Variants in EIF3L observed in about 807,000 individuals in gnomAD.
EIF3L encodes eukaryotic translation initiation factor 3 subunit L.
A neutral mutation model predicts 74.6 loss-of-function variants in EIF3L; 32 were observed. That is an observed-to-expected ratio of 0.43 (90% CI 0.32 to 0.58). EIF3L has a LOEUF of 0.58. EIF3L is among the 20% of genes least tolerant of loss of function. EIF3L has a pLI of 0.06. For missense variants in EIF3L, 474 were observed against 707.8 expected, an observed-to-expected ratio of 0.67 and a Z score of 3.75; for synonymous variants, 256 against 254.4, an observed-to-expected ratio of 1.01 and a Z score of -0.06.
At chr22:37,863,608 G>GT (rs1381004687) in intron 7 of EIF3L, among the ~76,000 whole-genome samples, 1 of 152,146 alleles carries the variant, frequency 6.6e-6, no homozygotes, top group Non-Finnish European at 1.5e-5. Flanking sequence ...TGGTCTGGTG[G>GT]TAAGAACACA....
At chr22:37,852,215 A>G (rs770182019) in intron 3 of EIF3L, among the ~76,000 whole-genome samples, 3 of 152,186 alleles carry the variant, frequency 2.0e-5, no homozygotes, top group East Asian at 3.8e-4. Context: ...AGATCCATCA[A>G]TGTTCAGTGT....
At chr22:37,870,034 A>G in intron 7 of EIF3L, 142 bp from the exon 8 acceptor site, 1 of 598,954 alleles carries the variant, frequency 1.7e-6, no homozygotes, top group Non-Finnish European at 2.8e-6. Context: ...AGTGTACGGA[A>G]TGGTTTAGAA....
chr22:37,877,547 C>A, intron 10 of EIF3L, 127 bp from the exon 11 acceptor site: 1 of 1,175,432 alleles, frequency 8.5e-7, no homozygotes, highest in Non-Finnish European at 1.2e-6. Flanking sequence ...TGGGGAAGTT[C>A]AATGGCTGGT....
chr22:37,866,557 G>A (rs1444485330), intron 7 of EIF3L, among the ~76,000 whole-genome samples: 7 of 152,124 alleles, frequency 4.6e-5, no homozygotes, highest in Non-Finnish European at 7.3e-5. Context: ...AAGCCAAGGC[G>A]GGTGGATCAC....
In EIF3L at chr22:37,862,965, A is replaced by G. The variant is rs1238053784; in HGVS notation, c.436-4A>G. On this transcript the variant is annotated splice_region_variant and splice_polypyrimidine_tract_variant and intron_variant, in intron 5 of 12. Transcript: ENST00000652021. ...TATCTTGATATCTCTTGTTTTCTTT[A>G]CAGGGGGGACCTTCCTTGGAGCAGA... The G allele has an allele frequency of 6.2e-7, 1 of 1,606,188 alleles. No homozygotes were observed. The highest frequency in any genetic ancestry group is 8.5e-7 in the Non-Finnish European group (1 of 1,176,072).
At chr22:37,886,597 G>A in intron 11 of EIF3L, 168 bp from the exon 12 acceptor site, 1 of 458,290 alleles carries the variant, frequency 2.2e-6, no homozygotes, top group Non-Finnish European at 4.0e-6. Flanking sequence ...AAACTCTCTA[G>A]AAAGAGTGAG....
At chr22:37,849,833 G>A in intron 1 of EIF3L, 182 bp from the exon 2 acceptor site, 1 of 668,124 alleles carries the variant, frequency 1.5e-6, no homozygotes. Context: ...CACCCGTAAT[G>A]TTGTATTGTC....
Position 37,863,121 on chromosome 22 carries a change from T to A in EIF3L, c.505+83T>A, listed in dbSNP as rs75149111. On this transcript the variant is annotated intron_variant, in intron 6 of 12. Coordinates refer to ENST00000652021, the MANE Select transcript of EIF3L (RefSeq NM_016091.4). ...CCTCCAGCTTTTTTTTTTTTTTTTTTAAATTAGCAGGATCTTAATGTGTAG... is the reference window on the plus strand; with the variant it reads ...CCTCCAGCTTTTTTTTTTTTTTTTTAAAATTAGCAGGATCTTAATGTGTAG... 67 of 1,061,376 alleles carry A rather than the reference T, an allele frequency of 6.3e-5. No individual in the cohort carries two copies. The highest frequency in any genetic ancestry group is 2.2e-4 in the Middle Eastern group (1 of 4,558). The allele number at this position is 1,061,376 out of a possible 1,614,324, so 65.7% of individuals were successfully genotyped here.
chr22:37,870,001 T>C (rs1926386614), intron 7 of EIF3L, among the ~76,000 whole-genome samples, 175 bp from the exon 8 acceptor site: 1 of 152,198 alleles, frequency 6.6e-6, no homozygotes, highest in Non-Finnish European at 1.5e-5. Flanking sequence ...ATTCACAGTT[T>C]AGTCAAGATG....
At chr22:37,863,234 T>C (rs1194922248) in intron 6 of EIF3L, 38 bp from the exon 7 acceptor site, 1 of 1,559,316 alleles carries the variant, frequency 6.4e-7, no homozygotes, top group East Asian at 2.2e-5. Flanking sequence ...GGCAGAGTCA[T>C]TGCTTTGAAT....
At chr22:37,876,201 C>T in intron 10 of EIF3L, 190 bp downstream of exon 10, 2 of 575,204 alleles carry the variant, frequency 3.5e-6, no homozygotes, top group Admixed American at 6.8e-5. Flanking sequence ...GCAGTCACAG[C>T]TCACGTCAGC....
intron 4 of EIF3L, among the ~76,000 whole-genome samples, chr22:37,857,162 C>T (rs566982799): frequency 1.3e-5 from 2 of 151,680 alleles, no homozygotes; most frequent in South Asian, 4.2e-4. Context: ...GAGATCGAGA[C>T]CATCCTGGCT....
rs967820834 is a variant in EIF3L, at chr22:37,873,726, AAAAC to A, written c.752-628_752-625del. On this transcript the variant is annotated intron_variant, in intron 8 of 12. Transcript: ENST00000652021. ...GCACTTCCATAGATCTCAGTCTCAA[AAAAC>A]AAACAAACAAACAAAAAACAACTGA... Among the ~76,000 whole-genome samples, 11 of 152,178 alleles carry A rather than the reference AAAAC, an allele frequency of 7.2e-5. No individual in the cohort carries two copies. In the South Asian group the frequency reaches 8.3e-4, roughly 11 times the overall value.
chr22:37,857,369 CAAAAAA>C (rs375301957), intron 4 of EIF3L, among the ~76,000 whole-genome samples: 6 of 58,250 alleles, frequency 1.0e-4, no homozygotes, highest in Admixed American at 5.3e-4. Flanking sequence ...GACTGCGTCC[CAAAAAA>C]AAAAAAAAAA....
Position 37,888,476 on chromosome 22 carries a change from CACATTCAGGA to C in EIF3L, c.*15_*24del. ...GACAGAGACCTTGATGATATTCACACACATTCAGGAACCTGTTTTGATGTATTATAGGCAG... is the reference window on the plus strand; with the variant it reads ...GACAGAGACCTTGATGATATTCACACACCTGTTTTGATGTATTATAGGCAG... On this transcript the variant is annotated 3_prime_UTR_variant, in exon 13 of 13. Transcript: ENST00000652021. The C allele has an allele frequency of 6.2e-7, 1 of 1,613,256 alleles. No homozygotes were observed. Among genetic ancestry groups the C allele is most frequent in the East Asian group, 2.2e-5 (1 of 44,888 alleles).
chr22:37,868,634 C>CTTTTTTTTTTTTTTTTTTTTTTTTTTTTT (rs71195065), intron 7 of EIF3L, among the ~76,000 whole-genome samples: 2 of 25,132 alleles, frequency 8.0e-5, no homozygotes. Context: ...TGTTTTGGTG[C>CTTTTTTTTTTTTTTTTTTTTTTTTTTTTT]TTTTTTTTTT....
chr22:37,881,900 C>T (rs530592060), intron 11 of EIF3L: 2 of 152,280 alleles, frequency 1.3e-5, no homozygotes, highest in African/African-American at 4.8e-5. Context: ...GGTACAGTGG[C>T]TTATAGCTAT....
At chr22:37,852,853 T>G (rs1925300039) in intron 3 of EIF3L, among the ~76,000 whole-genome samples, 1 of 151,668 alleles carries the variant, frequency 6.6e-6, no homozygotes, top group African/African-American at 2.4e-5. Context: ...GGTTAGTTAG[T>G]GAGGAGAGAG....
intron 5 of EIF3L, among the ~76,000 whole-genome samples, chr22:37,862,681 G>T (rs1925921439): frequency 6.6e-6 from 1 of 152,068 alleles, no homozygotes; most frequent in Non-Finnish European, 1.5e-5. Context: ...TGCTAGTGTG[G>T]TTTTTTTCTG....
Sources: allele counts gnomAD v4.1 joint callset (sites outside exome capture counted in the v4.1 genomes callset), GRCh38; gene constraint gnomAD v4.1.1; transcripts MANE v1.5; gene names NCBI Gene and HGNC (gene_info 2026-07-23, HGNC 2026-07-21).